The following SERPINB2 variants were observed in gnomAD, a reference collection of about 807,000 sequenced individuals.
The protein encoded by SERPINB2 is plasminogen activator inhibitor 2.
In SERPINB2, 28 loss-of-function variants were observed where a neutral mutation model predicts 39.4. That is an observed-to-expected ratio of 0.71 (90% CI 0.53 to 0.97). The LOEUF (loss-of-function observed/expected upper bound fraction) is 0.97. SERPINB2 is among the 50% of genes least tolerant of loss of function. SERPINB2 has a pLI of 0.00. For synonymous variants in SERPINB2, 209 were observed against 175.1 expected (o/e 1.19, Z -1.53); for missense variants, 557 against 505.3 (o/e 1.10, Z -0.98).
intron 2 of SERPINB2, among the ~76,000 whole-genome samples, chr18:63,894,625 A>G (rs2049947314): frequency 6.6e-6 from 1 of 152,182 alleles, no homozygotes; most frequent in Admixed American, 6.5e-5. Context: ...AGGAAGCTTC[A>G]GAGGGGACAG....
At chr18:63,895,490 T>C in intron 3 of SERPINB2, 107 bp downstream of exon 3, 4 of 1,371,148 alleles carry the variant, frequency 2.9e-6, no homozygotes, top group Admixed American at 2.0e-5. Flanking sequence ...CCCTCCCCCA[T>C]TCACAGAAAG....
Position 63,902,622 on chromosome 18 carries a change from G to A in SERPINB2, c.843+54G>A, listed in dbSNP as rs534554221. Reference sequence around the variant, plus strand: ...GGGCTATACCTACCTTTCGTGAGATGAGATGAATATATACTCCTTACAAAT... The same window carrying A: ...GGGCTATACCTACCTTTCGTGAGATAAGATGAATATATACTCCTTACAAAT... On this transcript the variant is annotated intron_variant, in intron 7 of 7. Transcript: ENST00000299502. The A allele has an allele frequency of 4.1e-5, 60 of 1,465,350 alleles. 1 individual carries two copies. The African/African-American group carries it at 7.2e-4, about 18-fold the overall frequency. 90.8% of individuals were successfully genotyped at this position (1,465,350 alleles called of 1,614,324 possible).
chr18:63,891,512 G>C lies in SERPINB2; in HGVS notation c.68G>C (p.Ser23Thr). 2 of 1,614,154 alleles carry C rather than the reference G, an allele frequency of 1.2e-6. No individual in the cohort carries two copies. Among genetic ancestry groups the C allele is most frequent in the Non-Finnish European group, 1.7e-6 (2 of 1,180,008 alleles). ...TTATTCAAGCATCTGGCAAAAGCAA[G>C]CCCCACCCAGAACCTCTTCCTCTCC... ...LNLFKHLAKA[S>T]PTQNLFLSPW... is the part of the protein sequence containing the mutation. Residue 23 changes from serine (S) to threonine (T), a missense_variant, in exon 2 of 8, where the codon AGC (serine) becomes ACC (threonine). By Grantham distance (58) the Ser-to-Thr change is moderately conservative (BLOSUM62 1). Coordinates refer to ENST00000299502, the MANE Select transcript of SERPINB2 (RefSeq NM_002575.3).
At position 63,888,060 on chromosome 18, in the gene SERPINB2, A is replaced by G. The variant is rs2288287; in HGVS notation, c.-10+290A>G. ...TTGTGATGCCAATTTTATTGAACAG[A>G]TTAGATTATATATGTTCTCTACTAG... On this transcript the variant is annotated intron_variant, in intron 1 of 7. Coordinates refer to ENST00000299502, the MANE Select transcript of SERPINB2 (RefSeq NM_002575.3). 0.29 allele frequency among the ~76,000 whole-genome samples: 43,598 copies of G among 152,126 alleles called. 6,862 individuals carry two copies. Among genetic ancestry groups the G allele is most frequent in the East Asian group, 0.48 (2,475 of 5,170 alleles).
Position 63,891,498 on chromosome 18 carries a change from T to A in SERPINB2, c.54T>A (p.His18Gln), listed in dbSNP as rs1009404702. 2 of 1,613,986 alleles carry A rather than the reference T, an allele frequency of 1.2e-6. No homozygotes were observed. The highest frequency in any genetic ancestry group is 2.7e-5 in the African/African-American group (2 of 74,898). Residue 18 changes from histidine to glutamine, a missense_variant, in exon 2 of 8, where the codon CAT becomes CAA. By Grantham distance (24) the His-to-Gln change is conservative (BLOSUM62 0). Coordinates refer to ENST00000299502, the MANE Select transcript of SERPINB2 (RefSeq NM_002575.3). ...TCTTTGCCCTCAATTTATTCAAGCA[T>A]CTGGCAAAAGCAAGCCCCACCCAGA... ...NTLFALNLFK[H>Q]LAKASPTQNL...
At chr18:63,895,495 A>G (rs2049954015) in intron 3 of SERPINB2, 112 bp downstream of exon 3, 1 of 1,349,322 alleles carries the variant, frequency 7.4e-7, no homozygotes, top group Non-Finnish European at 1.0e-6. Flanking sequence ...CCCCATTCAC[A>G]GAAAGAAAAC....
At chr18:63,902,334 T>A in intron 6 of SERPINB2, 70 bp from the exon 7 acceptor site, 1 of 1,368,908 alleles carries the variant, frequency 7.3e-7, no homozygotes, top group African/African-American at 1.5e-5. Flanking sequence ...CCAATCCTCC[T>A]TTATGTCTAA....
rs1168816031 is a variant in SERPINB2 at position 63,902,451 on chromosome 18, C to T, written c.726C>T (p.Asn242=). The T allele has an allele frequency of 1.9e-6, 3 of 1,613,470 alleles. No individual in the cohort carries two copies. Among genetic ancestry groups the T allele is most frequent in the African/African-American group, 2.7e-5 (2 of 74,994 alleles). The part of the protein sequence containing the change: ...VQMMYLREKL[N]IGYIEDLKAQ... ...TGATGTACTTGCGTGAAAAGCTAAA[C>T]ATTGGATACATAGAAGACCTAAAGG... The change falls in exon 7 of 8, where the codon AAC becomes AAT. Residue 242 remains asparagine, a synonymous_variant. Coordinates refer to ENST00000299502, the MANE Select transcript of SERPINB2 (RefSeq NM_002575.3).
Position 63,902,921 on chromosome 18 carries a change from T to C in SERPINB2, c.864T>C (p.Tyr288=). ...GLELLESEIT[Y]DKLNKWTSKD... ...TGCAGCTGGAAAGTGAAATAACCTATGACAAACTCAACAAGTGGACCAGCA... is the reference window on the plus strand; with the variant it reads ...TGCAGCTGGAAAGTGAAATAACCTACGACAAACTCAACAAGTGGACCAGCA... The change falls in exon 8 of 8, where the codon TAT becomes TAC. Residue 288 remains tyrosine (Y), a synonymous_variant. Transcript: ENST00000299502. 6.2e-7 allele frequency: 1 copy of C among 1,609,582 alleles called. No individual in the cohort carries two copies. Among genetic ancestry groups the C allele is most frequent in the Non-Finnish European group, 8.5e-7 (1 of 1,177,588 alleles).
rs143371424 is a variant in SERPINB2 at position 63,903,174 on chromosome 18, A to T, written c.1117A>T (p.Thr373Ser). The T allele has an allele frequency of 3.1e-4, 496 of 1,613,748 alleles. 1 individual carries two copies. Among genetic ancestry groups the T allele is most frequent in the Middle Eastern group, 1.3e-3 (8 of 6,050 alleles). The change falls in exon 8 of 8, where the codon ACA (threonine) becomes TCA (serine). Residue 373 changes from threonine (T) to serine (S), a missense_variant. Coordinates refer to ENST00000299502, the MANE Select transcript of SERPINB2 (RefSeq NM_002575.3). Reference protein sequence around the residue: ...NEEGTEAAAGTGGVMTGRTGH... With the variant: ...NEEGTEAAAGSGGVMTGRTGH... Reference sequence around the variant, plus strand: ...GGAGGGCACTGAAGCAGCCGCTGGCACAGGAGGTGTTATGACAGGGAGAAC... The same window carrying T: ...GGAGGGCACTGAAGCAGCCGCTGGCTCAGGAGGTGTTATGACAGGGAGAAC...
Position 63,897,137 on chromosome 18 carries a change from C to A in SERPINB2, c.335C>A (p.Ser112Tyr), listed in dbSNP as rs2049964517. ...KIHSSFRSLS[S>Y]AINASTGNYL... ...CATTCATCCTTCCGCTCTCTCAGCT[C>A]TGCAATCAATGCATCCACAGGGAAT... Residue 112 changes from serine to tyrosine, a missense_variant, in exon 4 of 8, where the codon TCT becomes TAT. Transcript: ENST00000299502. 6.2e-7 allele frequency: 1 copy of A among 1,613,458 alleles called. No homozygotes were observed. Among genetic ancestry groups the A allele is most frequent in the South Asian group, 1.1e-5 (1 of 91,016 alleles).
intron 2 of SERPINB2, among the ~76,000 whole-genome samples, chr18:63,893,929 G>A (rs1055230088): frequency 6.6e-6 from 1 of 152,196 alleles, no homozygotes; most frequent in African/African-American, 2.4e-5. Context: ...TGCTGTAGCT[G>A]TTAGAAGTGG....
chr18:63,902,763 G>T (rs1346053805), intron 7 of SERPINB2, 138 bp from the exon 8 acceptor site: 2 of 1,128,148 alleles, frequency 1.8e-6, no homozygotes, highest in African/African-American at 3.2e-5. Flanking sequence ...GTAAAAATCT[G>T]ACCAATCTGT....
chr18:63,902,274 T>A, intron 6 of SERPINB2, 130 bp from the exon 7 acceptor site: 1 of 774,854 alleles, frequency 1.3e-6, no homozygotes, highest in Non-Finnish European at 1.9e-6. Context: ...GTACAAATAA[T>A]TTATTTTGTT....
At position 63,897,146 on chromosome 18, in the gene SERPINB2, A is replaced by G. The variant is rs754341747; in HGVS notation, c.344A>G (p.Asn115Ser). 4 of 1,613,526 alleles carry G rather than the reference A, an allele frequency of 2.5e-6. No homozygotes were observed. Among genetic ancestry groups the G allele is most frequent in the South Asian group, 1.1e-5 (1 of 91,062 alleles). ...SSFRSLSSAI[N>S]ASTGNYLLES... ...TTCCGCTCTCTCAGCTCTGCAATCA[A>G]TGCATCCACAGGGAATTATTTACTG... The change falls in exon 4 of 8, where the codon AAT becomes AGT. Residue 115 changes from asparagine (N) to serine (S), a missense_variant. Coordinates refer to ENST00000299502, the MANE Select transcript of SERPINB2 (RefSeq NM_002575.3).
At chr18:63,888,265 T>C (rs1455074444) in intron 1 of SERPINB2, among the ~76,000 whole-genome samples, 1 of 152,230 alleles carries the variant, frequency 6.6e-6, no homozygotes, top group East Asian at 1.9e-4. Flanking sequence ...TGGGTCAATC[T>C]AGTACAACAA....
At position 63,897,161 on chromosome 18, in the gene SERPINB2, A is replaced by T. The variant is rs1485813667; in HGVS notation, c.359A>T (p.Asn120Ile). The change falls in exon 4 of 8, where the codon AAT becomes ATT. Residue 120 changes from asparagine (N) to isoleucine (I), a missense_variant. Transcript: ENST00000299502. ...LSSAINASTG[N>I]YLLESVNKLF... ...TCTGCAATCAATGCATCCACAGGGAATTATTTACTGGAAAGTGTCAATAAG... is the reference window on the plus strand; with the variant it reads ...TCTGCAATCAATGCATCCACAGGGATTTATTTACTGGAAAGTGTCAATAAG... 1.9e-6 allele frequency: 3 copies of T among 1,613,492 alleles called. No homozygotes were observed. The highest frequency in any genetic ancestry group is 8.5e-7 in the Non-Finnish European group (1 of 1,179,570).
In SERPINB2 at chr18:63,903,441, A is replaced by T; in HGVS notation, c.*136A>T. The T allele has an allele frequency of 1.4e-6, 1 of 724,454 alleles. No individual in the cohort carries two copies. Among genetic ancestry groups the T allele is most frequent in the Non-Finnish European group, 2.0e-6 (1 of 492,392 alleles). 44.9% of individuals were successfully genotyped at this position (724,454 alleles called of 1,614,324 possible). The stretch of plus-strand genomic sequence containing the variant: ...TCTGAACAACTTCTGCTACCCACTA[A>T]ATAAAAACACAGAAATAATTAGACA... On this transcript the variant is annotated 3_prime_UTR_variant, in exon 8 of 8. Coordinates refer to ENST00000299502, the MANE Select transcript of SERPINB2 (RefSeq NM_002575.3).
intron 2 of SERPINB2, among the ~76,000 whole-genome samples, chr18:63,893,414 A>C (rs1273893053): frequency 6.6e-6 from 1 of 151,154 alleles, no homozygotes; most frequent in East Asian, 1.9e-4. Context: ...CTTTGGGACT[A>C]TGCGAGGATT....
Sources: gnomAD v4.1 joint callset for allele counts (sites outside exome capture counted in the v4.1 genomes callset) on GRCh38, gnomAD v4.1.1 for gene constraint, MANE v1.5 for transcripts, NCBI Gene and HGNC (gene_info 2026-07-23, HGNC 2026-07-21) for gene names.